TRPM3: variants seen among roughly 807,000 people sequenced by gnomAD.
TRPM3 encodes the protein transient receptor potential cation channel subfamily M member 3.
Under a neutral mutation model 181.2 loss-of-function variants are expected in TRPM3, and 77 were observed. The observed-to-expected ratio is 0.42, with a 90% CI of 0.35 to 0.51. The LOEUF (loss-of-function observed/expected upper bound fraction) is 0.51, where lower values mean the gene tolerates loss of function less well. TRPM3 is among the 20% of genes least tolerant of loss of function. The probability of loss-of-function intolerance (pLI) is 0.01; values close to 1 mark genes in which losing one functional copy is unlikely to be tolerated. For missense variants in TRPM3, 1,759 were observed against 2,196.7 expected, an observed-to-expected ratio of 0.80 and a Z score of 3.98; for synonymous variants, 745 against 796.4, an observed-to-expected ratio of 0.94 and a Z score of 1.09.
Position 70,642,492 on chromosome 9 carries a change from T to TA in TRPM3, c.1346-1833dup, listed in dbSNP as rs773161076. ...GGGGCAGGGTTCCTGGTCGTTAACT[T>TA]ACATCAGTGATTCCAAAACTTTGCT... On this transcript the variant is annotated intron_variant, in intron 9 of 25. Coordinates refer to ENST00000677713, the MANE Select transcript of TRPM3 (RefSeq NM_001366145.2). 3.3e-5 allele frequency among the ~76,000 whole-genome samples: 5 copies of TA among 152,332 alleles called. 1 individual carries two copies. In the East Asian group the frequency reaches 7.7e-4, roughly 23 times the overall value.
At chr9:70,905,677 C>T (rs1242462724) in intron 1 of TRPM3, among the ~76,000 whole-genome samples, 1 of 152,012 alleles carries the variant, frequency 6.6e-6, no homozygotes, top group African/African-American at 2.4e-5. Flanking sequence ...TAACAATGCT[C>T]CAGTGACCAA....
chr9:71,419,620 A>T (rs944870083), intron 1 of TRPM3, among the ~76,000 whole-genome samples: 2 of 151,976 alleles, frequency 1.3e-5, no homozygotes, highest in Non-Finnish European at 2.9e-5. Context: ...GTAACCAAAG[A>T]TACATATCAC....
At position 71,151,361 on chromosome 9, in the gene TRPM3, A is replaced by G. The variant is rs111445070; in HGVS notation, c.184-286850T>C. Among the ~76,000 whole-genome samples, 1,342 of 152,214 alleles carry G rather than the reference A, an allele frequency of 8.8e-3. 17 individuals carry two copies. Among genetic ancestry groups the G allele is most frequent in the Middle Eastern group, 0.02 (6 of 294 alleles). Reference sequence around the variant, plus strand: ...ACACAATGAGAGTTCATAGAAAATGAAATGTAAATAACTTCAAAGGCTCCT... The same window carrying G: ...ACACAATGAGAGTTCATAGAAAATGGAATGTAAATAACTTCAAAGGCTCCT... On this transcript the variant is annotated intron_variant, in intron 1 of 24. Transcript: ENST00000357533.
intron 1 of TRPM3, among the ~76,000 whole-genome samples, chr9:71,403,594 C>T (rs1227418885): frequency 6.6e-6 from 1 of 152,034 alleles, no homozygotes; most frequent in Non-Finnish European, 1.5e-5. Flanking sequence ...TCACCACAAC[C>T]CTGTGAAATA....
chr9:70,930,289 CT>C (rs972391050), intron 1 of TRPM3, among the ~76,000 whole-genome samples: 6 of 152,250 alleles, frequency 3.9e-5, no homozygotes, highest in East Asian at 1.9e-4. Flanking sequence ...TTATTATTAT[CT>C]TTTTCACAAT....
At position 70,784,085 on chromosome 9, in the gene TRPM3, G is replaced by C; in HGVS notation, c.1148+20C>G. 1 of 1,608,194 alleles carries C rather than the reference G, an allele frequency of 6.2e-7. No individual in the cohort carries two copies. Among genetic ancestry groups the C allele is most frequent in the Non-Finnish European group, 8.5e-7 (1 of 1,176,428 alleles). ...AAACAGGCTTTAGGGTTCTTCCATG[G>C]GGCCTGGAAAGTTACCTACCCGCCT... is the stretch of plus-strand genomic sequence containing the variant. On this transcript the variant is annotated intron_variant, in intron 7 of 25. Coordinates refer to ENST00000677713, the MANE Select transcript of TRPM3 (RefSeq NM_001366145.2).
chr9:71,439,880 G>A (rs138808223), intron 1 of TRPM3, among the ~76,000 whole-genome samples: 4 of 151,924 alleles, frequency 2.6e-5, no homozygotes, highest in African/African-American at 4.8e-5. Flanking sequence ...CAGCACTTTC[G>A]GAGGCCAAGG....
intron 1 of TRPM3, among the ~76,000 whole-genome samples, chr9:70,898,223 C>T (rs1372087431): frequency 3.3e-5 from 5 of 150,838 alleles, no homozygotes; most frequent in Non-Finnish European, 7.4e-5. Flanking sequence ...CCCGGGTTCA[C>T]GCCATTCTCC....
intron 1 of TRPM3, 27 bp from the exon 2 acceptor site, chr9:70,864,538 A>AAAAAAAAAAAAAAAAAAAG (rs375135324): frequency 9.1e-6 from 13 of 1,433,878 alleles, no homozygotes; most frequent in South Asian, 4.6e-5. Context: ...AAAAAAAAAA[A>AAAAAAAAAAAAAAAAAAAG]AAAGAAAAAA....
intron 11 of TRPM3, among the ~76,000 whole-genome samples, chr9:70,638,473 A>G (rs1411288387): frequency 6.6e-6 from 1 of 152,192 alleles, no homozygotes; most frequent in Non-Finnish European, 1.5e-5. Context: ...AATGCTCTCA[A>G]TAACTTCATA....
intron 1 of TRPM3, among the ~76,000 whole-genome samples, chr9:71,026,713 C>T (rs912963294): frequency 4.6e-5 from 7 of 152,296 alleles, no homozygotes; most frequent in Middle Eastern, 3.4e-3. Flanking sequence ...ACGCTGACAC[C>T]GGTGCAAAGA....
At chr9:71,238,857 T>C (rs754882969) in intron 1 of TRPM3, among the ~76,000 whole-genome samples, 1 of 152,202 alleles carries the variant, frequency 6.6e-6, no homozygotes, top group Non-Finnish European at 1.5e-5. Context: ...ACCTCAAGAA[T>C]ACTCATGTTA....
chr9:70,968,037 A>C (rs961233771), intron 1 of TRPM3, among the ~76,000 whole-genome samples: 1 of 152,102 alleles, frequency 6.6e-6, no homozygotes, highest in Non-Finnish European at 1.5e-5. Flanking sequence ...GGGTCCTTGC[A>C]TTCATTTTAA....
chr9:71,403,453 C>T (rs1362317461), intron 1 of TRPM3, among the ~76,000 whole-genome samples: 2 of 152,138 alleles, frequency 1.3e-5, no homozygotes, highest in Non-Finnish European at 2.9e-5. Context: ...AAGGAATATA[C>T]TTGTTTCTGG....
intron 1 of TRPM3, among the ~76,000 whole-genome samples, chr9:71,098,164 G>A (rs998705310): frequency 6.6e-6 from 1 of 151,958 alleles, no homozygotes; most frequent in South Asian, 2.1e-4. Context: ...TTAGGACCAT[G>A]GGTTACTCTG....
At chr9:71,429,635 T>A (rs1468247721) in intron 1 of TRPM3, among the ~76,000 whole-genome samples, 1 of 152,200 alleles carries the variant, frequency 6.6e-6, no homozygotes, top group South Asian at 2.1e-4. Context: ...CATTTTACGG[T>A]TCTGTTTGTG....
chr9:71,352,279 C>G (rs1310221554), intron 1 of TRPM3, among the ~76,000 whole-genome samples: 1 of 152,086 alleles, frequency 6.6e-6, no homozygotes, highest in Non-Finnish European at 1.5e-5. Context: ...TCAGAAGAAA[C>G]ATTAATAAAA....
At chr9:71,022,190 A>T (rs1292987982) in intron 1 of TRPM3, among the ~76,000 whole-genome samples, 1 of 152,208 alleles carries the variant, frequency 6.6e-6, no homozygotes, top group African/African-American at 2.4e-5. Context: ...GCAGAGATTG[A>T]TACACACATG....
intron 14 of TRPM3, among the ~76,000 whole-genome samples, chr9:70,622,975 C>A (rs2063856076): frequency 6.6e-6 from 1 of 151,508 alleles, no homozygotes; most frequent in Non-Finnish European, 1.5e-5. Flanking sequence ...TTTTCATTTT[C>A]AAACAAATCC....
Sources: allele counts gnomAD v4.1 joint callset (sites outside exome capture counted in the v4.1 genomes callset), GRCh38; gene constraint gnomAD v4.1.1; transcripts MANE v1.5; gene names NCBI Gene and HGNC (gene_info 2026-07-23, HGNC 2026-07-21).